Variants in DHRS12 observed in about 807,000 individuals in gnomAD.
The protein encoded by DHRS12 is dehydrogenase/reductase 12.
In DHRS12, 29 loss-of-function variants were observed where a neutral mutation model predicts 32.1. The observed-to-expected ratio is 0.90, with a 90% confidence interval of 0.67 to 1.23. DHRS12 has a LOEUF of 1.23. Among genes scored for constraint, DHRS12 ranks in the 50% most tolerant of loss-of-function variants. The pLI is 0.00. For synonymous variants in DHRS12, 150 were observed against 135.9 expected, an observed-to-expected ratio of 1.10 and a Z score of -0.72; for missense variants, 330 against 337.2, an observed-to-expected ratio of 0.98 and a Z score of 0.17.
At chr13:51,765,828 G>A (rs1953729196), downstream of DHRS12, 1 of 152,072 alleles carries the variant, frequency 6.6e-6, no homozygotes, top group Admixed American at 6.5e-5. Context: ...AATTAATCAT[G>A]GTACCATCTC....
intron 4 of DHRS12, among the ~76,000 whole-genome samples, chr13:51,788,878 T>C (rs993275313): frequency 6.6e-6 from 1 of 151,614 alleles, no homozygotes; most frequent in Non-Finnish European, 1.5e-5. Flanking sequence ...AAATAGTAAA[T>C]TTAGTAAATT....
At chr13:51,803,717 C>G (rs1352098490) in intron 1 of DHRS12, 1 of 220,406 alleles carries the variant, frequency 4.5e-6, no homozygotes, top group Admixed American at 5.8e-5. Context: ...GACACTTCCA[C>G]GAGCACACCC....
chr13:51,795,314 A>C (rs760659278), intron 2 of DHRS12, among the ~76,000 whole-genome samples: 14 of 152,318 alleles, frequency 9.2e-5, no homozygotes, highest in Middle Eastern at 3.4e-3. Flanking sequence ...CCTCCCACTG[A>C]GCAGGGCCTA....
chr13:51,804,001 C>T (rs1209911887), intron 1 of DHRS12, 53 bp downstream of exon 1: 6 of 1,412,180 alleles, frequency 4.2e-6, no homozygotes, highest in Non-Finnish European at 5.5e-6. Context: ...TCGCCCGCGC[C>T]GAGGCGGGCC....
chr13:51,798,504 T>C (rs1955609191), intron 2 of DHRS12, among the ~76,000 whole-genome samples: 1 of 152,180 alleles, frequency 6.6e-6, no homozygotes, highest in South Asian at 2.1e-4. Flanking sequence ...TTATGGAGTC[T>C]GCTTTCTTTA....
intron 4 of DHRS12, among the ~76,000 whole-genome samples, chr13:51,785,716 T>C (rs571068237): frequency 1.5e-4 from 23 of 152,232 alleles, no homozygotes; most frequent in African/African-American, 3.4e-4. Flanking sequence ...GCCTGCTCAA[T>C]AGATCTGCAG....
Position 51,777,366 on chromosome 13 carries a change from A to G in DHRS12, c.302-245T>C, listed in dbSNP as rs560352730. ...AAAGATGTCCACACTACAGGAATAC[A>G]GGAAGGGAAAAAGAAAACTGCCAAA... On this transcript the variant is annotated intron_variant, in intron 4 of 8. Transcript: ENST00000444610. The G allele has an allele frequency of 7.8e-6, 4 of 513,026 alleles. No homozygotes were observed. The East Asian group carries it at 1.2e-4, about 16-fold the overall frequency. The allele number at this position is 513,026 out of a possible 1,614,324, so 31.8% of individuals were successfully genotyped here.
chr13:51,756,903 G>T, the DHRS12 span, among the ~76,000 whole-genome samples: 7 of 152,324 alleles, frequency 4.6e-5, no homozygotes, highest in East Asian at 1.2e-3. Flanking sequence ...AATATTCCCA[G>T]TTGCCCAGTT....
At chr13:51,761,432 A>C in the DHRS12 span, 2 of 152,172 alleles carry the variant, frequency 1.3e-5, no homozygotes. Flanking sequence ...CGCACAGCTC[A>C]TTCAACCTCA....
the DHRS12 span, chr13:51,761,915 C>G: frequency 6.6e-6 from 1 of 152,238 alleles, no homozygotes. Context: ...GCCTCGCTGC[C>G]CTGGTCCAGA....
At chr13:51,769,736 TTA>T (rs1177149706) in intron 7 of DHRS12, among the ~76,000 whole-genome samples, 1 of 152,162 alleles carries the variant, frequency 6.6e-6, no homozygotes, top group African/African-American at 2.4e-5. Context: ...CTGGACTGTT[TTA>T]GTGTTTTCCT....
chr13:51,762,260 C>T, the DHRS12 span: 1 of 152,384 alleles, frequency 6.6e-6, no homozygotes. Flanking sequence ...TGCGTTCAGA[C>T]CTCATTCGGG....
At position 51,773,988 on chromosome 13, in the gene DHRS12, T is replaced by C. The variant is rs1281987336; in HGVS notation, c.410A>G (p.Asn137Ser). The change falls in exon 6 of 9, where the codon AAT becomes AGT. Residue 137 changes from asparagine to serine, a missense_variant. Coordinates refer to ENST00000444610, the MANE Select transcript of DHRS12 (RefSeq NM_001377533.1). ...TGGTGTTCTTTCGGACTGGAGATCA[T>C]TGGTGTTCAGTTTCTGAACCAACAT... ...GGMLVQKLNT[N>S]DLQSERTPFD... 2 of 1,614,074 alleles carry C rather than the reference T, an allele frequency of 1.2e-6. No individual in the cohort carries two copies. Among genetic ancestry groups the C allele is most frequent in the East Asian group, 4.5e-5 (2 of 44,876 alleles).
chr13:51,790,048 T>C lies in DHRS12; in HGVS notation c.264A>G (p.Glu88=), dbSNP rs1415778039. The C allele has an allele frequency of 6.2e-7, 1 of 1,604,748 alleles. No homozygotes were observed. Among genetic ancestry groups the C allele is most frequent in the Admixed American group, 1.7e-5 (1 of 57,906 alleles). Residue 88 remains glutamate, a synonymous_variant, in exon 4 of 9, where the codon GAA becomes GAG. Coordinates refer to ENST00000444610, the MANE Select transcript of DHRS12 (RefSeq NM_001377533.1). Reference sequence around the variant, plus strand: ...CAGCAAAGTTTTTTTCAAGTCCATCTTCTGTGAGCTCTCTTTTATTGACCA... The same window carrying C: ...CAGCAAAGTTTTTTTCAAGTCCATCCTCTGTGAGCTCTCTTTTATTGACCA... ...GCMVNKRELT[E]DGLEKNFAAN... is the part of the protein sequence containing the mutation.
rs745519208 is a variant in DHRS12, at chr13:51,771,986, G to A, written c.469-75C>T. ...GGTGCAAGGGCAGGGGATAAGCCCTGCCCAGCCTGGCTTATCTTACACTGG... is the reference window on the plus strand; with the variant it reads ...GGTGCAAGGGCAGGGGATAAGCCCTACCCAGCCTGGCTTATCTTACACTGG... On this transcript the variant is annotated intron_variant, in intron 6 of 8. Transcript: ENST00000444610. 41 of 1,420,378 alleles carry A rather than the reference G, an allele frequency of 2.9e-5. No homozygotes were observed. In the South Asian group the frequency reaches 3.1e-4, roughly 11 times the overall value. The allele number at this position is 1,420,378 out of a possible 1,614,324, so 88.0% of individuals were successfully genotyped here. A position where few individuals can be genotyped will look rare whatever the true frequency, so the allele number is the denominator to read the frequency against.
At chr13:51,762,862 A>T in the DHRS12 span, 2 of 152,246 alleles carry the variant, frequency 1.3e-5, no homozygotes, top group Admixed American at 6.5e-5. Context: ...CTGATGGGGC[A>T]AAACCAACCA....
chr13:51,773,956 C>T lies in DHRS12; in HGVS notation c.442G>A (p.Gly148Arg), dbSNP rs1379695909. 1 of 1,614,074 alleles carries T rather than the reference C, an allele frequency of 6.2e-7. No homozygotes were observed. Among genetic ancestry groups the T allele is most frequent in the Non-Finnish European group, 8.5e-7 (1 of 1,179,950 alleles). The change falls in exon 6 of 9, where the codon GGA (glycine) becomes AGA (arginine). Residue 148 changes from glycine (G) to arginine (R), a missense_variant. Coordinates refer to ENST00000444610, the MANE Select transcript of DHRS12 (RefSeq NM_001377533.1). The stretch of plus-strand genomic sequence containing the variant: ...TTGTTTTGTGCATAGACCATAGTTC[C>T]ATCAAATGGTGTTCTTTCGGACTGG... The part of the protein sequence containing the change: ...DLQSERTPFD[G>R]TMVYAQNKRQ...
chr13:51,795,346 A>G (rs1247229081), intron 2 of DHRS12, among the ~76,000 whole-genome samples: 1 of 152,178 alleles, frequency 6.6e-6, no homozygotes, highest in East Asian at 1.9e-4. Flanking sequence ...AACAGAACAC[A>G]CTTGAAGCAG....
rs769384374 is a variant in DHRS12, at chr13:51,768,069, T to C, written c.*118A>G. ...TTCCCATCCCTTGTAGGCCTCGCTG[T>C]GAGGCACAACGTCTTCGAGGGGAAG... On this transcript the variant is annotated 3_prime_UTR_variant, in exon 9 of 9. Transcript: ENST00000444610. 7.5e-6 allele frequency: 11 copies of C among 1,474,988 alleles called. No homozygotes were observed. The highest frequency in any genetic ancestry group is 9.8e-6 in the Non-Finnish European group (11 of 1,117,194). 91.4% of individuals were successfully genotyped at this position (1,474,988 alleles called of 1,614,324 possible). A position where few individuals can be genotyped will look rare whatever the true frequency, so the allele number is the denominator to read the frequency against.
Sources: allele counts gnomAD v4.1 joint callset (sites outside exome capture counted in the v4.1 genomes callset), GRCh38; gene constraint gnomAD v4.1.1; transcripts MANE v1.5; gene names NCBI Gene and HGNC (gene_info 2026-07-23, HGNC 2026-07-21).